Variants in SCAPER observed in about 807,000 individuals in gnomAD.
The protein encoded by SCAPER is S phase cyclin A-associated protein in the endoplasmic reticulum.
In SCAPER, 98 loss-of-function variants were observed where a neutral mutation model predicts 182.2. The observed-to-expected ratio is 0.54, with a 90% CI of 0.46 to 0.64. The LOEUF (loss-of-function observed/expected upper bound fraction) is 0.64, where lower values mean the gene tolerates loss of function less well. SCAPER is among the 30% of genes least tolerant of loss of function. The pLI, the probability that SCAPER is intolerant of heterozygous loss-of-function variation, is 0.00. For missense variants in SCAPER, 1,432 were observed against 1,690.0 expected (o/e 0.85, Z 2.68); for synonymous variants, 605 against 564.6 (o/e 1.07, Z -1.01).
intron 10 of SCAPER, among the ~76,000 whole-genome samples, chr15:76,770,004 C>T (rs1185411856): frequency 1.3e-5 from 2 of 152,018 alleles, no homozygotes; most frequent in East Asian, 3.8e-4. Flanking sequence ...CACATATATA[C>T]CAGGGAATAC....
At chr15:76,542,673 TAAAGAA>T (rs1389294596) in intron 23 of SCAPER, among the ~76,000 whole-genome samples, 2 of 152,076 alleles carry the variant, frequency 1.3e-5, no homozygotes, top group Admixed American at 6.5e-5. Context: ...CTTAGCTTAT[TAAAGAA>T]AAAGGAAGAC....
At chr15:76,527,181 A>G (rs2043274248) in intron 23 of SCAPER, among the ~76,000 whole-genome samples, 2 of 152,190 alleles carry the variant, frequency 1.3e-5, no homozygotes, top group Admixed American at 6.5e-5. Context: ...CAACCCAGAC[A>G]GTTTTATAAA....
At chr15:76,735,302 G>A (rs896867932) in intron 15 of SCAPER, among the ~76,000 whole-genome samples, 1 of 152,138 alleles carries the variant, frequency 6.6e-6, no homozygotes, top group African/African-American at 2.4e-5. Flanking sequence ...GAACCCAGGA[G>A]TTAGAGGCTG....
intron 29 of SCAPER, among the ~76,000 whole-genome samples, chr15:76,362,174 T>C (rs541449089): frequency 1.4e-4 from 21 of 152,190 alleles, no homozygotes; most frequent in Non-Finnish European, 2.8e-4. Flanking sequence ...GGTTTCACCA[T>C]GTTGGCCAGG....
intron 25 of SCAPER, among the ~76,000 whole-genome samples, chr15:76,467,644 T>G (rs2049794766): frequency 6.6e-6 from 1 of 152,130 alleles, no homozygotes; most frequent in African/African-American, 2.4e-5. Context: ...CAAGCACCTA[T>G]TATGTGCTAG....
chr15:76,809,106 C>T (rs1474037369), intron 5 of SCAPER, among the ~76,000 whole-genome samples: 1 of 152,038 alleles, frequency 6.6e-6, no homozygotes, highest in African/African-American at 2.4e-5. Context: ...TTGAGGGGCA[C>T]CTAGAATAAC....
intron 29 of SCAPER, among the ~76,000 whole-genome samples, chr15:76,359,613 T>C (rs201061104): frequency 1.3e-5 from 2 of 152,172 alleles, no homozygotes; most frequent in African/African-American, 2.4e-5. Flanking sequence ...GGGCTCCTGA[T>C]TGAGAGCAAG....
At chr15:76,350,559 T>C (rs182427038) in intron 31 of SCAPER, 3 of 152,330 alleles carry the variant, frequency 2.0e-5, no homozygotes, top group Middle Eastern at 3.4e-3. Context: ...TCATCAGAGA[T>C]GCTGTCATAA....
At chr15:76,493,236 A>G (rs969267410) in intron 24 of SCAPER, among the ~76,000 whole-genome samples, 2 of 152,226 alleles carry the variant, frequency 1.3e-5, no homozygotes, top group African/African-American at 2.4e-5. Context: ...CCTGCACTTC[A>G]TATCATAAAA....
chr15:76,537,512 CAT>C (rs1254674620), intron 23 of SCAPER, among the ~76,000 whole-genome samples: 10 of 152,148 alleles, frequency 6.6e-5, no homozygotes, highest in Admixed American at 1.3e-4. Flanking sequence ...ACTGGCTAGC[CAT>C]ATGTAGAAAG....
intron 24 of SCAPER, among the ~76,000 whole-genome samples, chr15:76,476,168 C>T (rs2050611713): frequency 6.6e-6 from 1 of 152,168 alleles, no homozygotes; most frequent in Non-Finnish European, 1.5e-5. Flanking sequence ...GTCCATTTTC[C>T]AGCTTCCTGG....
At chr15:76,492,685 A>T (rs1366363161) in intron 24 of SCAPER, among the ~76,000 whole-genome samples, 1 of 152,198 alleles carries the variant, frequency 6.6e-6, no homozygotes, top group Non-Finnish European at 1.5e-5. Flanking sequence ...TTGGTTAATA[A>T]GAAAATGTCC....
chr15:76,513,704 G>C (rs1261405496), intron 23 of SCAPER, among the ~76,000 whole-genome samples: 1 of 152,088 alleles, frequency 6.6e-6, no homozygotes, highest in Non-Finnish European at 1.5e-5. Context: ...AATAAGACTG[G>C]ATGCTCTTCA....
Position 76,563,911 on chromosome 15 carries a change from C to A in SCAPER, c.2838+10247G>T, listed in dbSNP as rs1034724475. On this transcript the variant is annotated intron_variant, in intron 23 of 31. Transcript: ENST00000563290. The stretch of plus-strand genomic sequence containing the variant: ...CATAAACAGAATTAAAGACAAAAAA[C>A]CCCCACATGATTATCTCAATAGAGA... 1.6e-4 allele frequency among the ~76,000 whole-genome samples: 25 copies of A among 152,028 alleles called. 1 individual carries two copies. The highest frequency in any genetic ancestry group is 1.1e-3 in the Admixed American group (17 of 15,246).
At chr15:76,412,070 T>C (rs539211855) in intron 26 of SCAPER, among the ~76,000 whole-genome samples, 1 of 152,310 alleles carries the variant, frequency 6.6e-6, no homozygotes, top group South Asian at 2.1e-4. Context: ...TCAAATTAAT[T>C]TTGTATATAA....
intron 29 of SCAPER, among the ~76,000 whole-genome samples, chr15:76,372,502 G>A (rs773956944): frequency 6.6e-6 from 1 of 152,158 alleles, no homozygotes; most frequent in Non-Finnish European, 1.5e-5. Context: ...CTAAAGGAGA[G>A]GATTAGTCTG....
chr15:76,848,977 C>T (rs1189134317), intron 4 of SCAPER, among the ~76,000 whole-genome samples: 5 of 152,172 alleles, frequency 3.3e-5, no homozygotes, highest in African/African-American at 7.2e-5. Flanking sequence ...CAAAGGCATA[C>T]GACAGCCCCT....
chr15:76,667,623 CTCAAAAAAAAAAAAAAAA>C (rs1167403066), intron 20 of SCAPER, among the ~76,000 whole-genome samples: 5 of 36,438 alleles, frequency 1.4e-4, no homozygotes, highest in South Asian at 1.2e-3. Flanking sequence ...GAGACTCAGT[CTCAAAAAAAAAAAAAAAA>C]AAAAAAAAAA....
chr15:76,385,351 C>T (rs1332007753), intron 27 of SCAPER: 1 of 152,194 alleles, frequency 6.6e-6, no homozygotes, highest in Non-Finnish European at 1.5e-5. Flanking sequence ...TTTCCATGGT[C>T]CCCAGATTTC....
Sources: allele counts gnomAD v4.1 joint callset (sites outside exome capture counted in the v4.1 genomes callset), GRCh38; gene constraint gnomAD v4.1.1; transcripts MANE v1.5; gene names NCBI Gene and HGNC (gene_info 2026-07-23, HGNC 2026-07-21).